Variants in PLXNA4 observed in about 807,000 individuals in gnomAD.
The protein encoded by PLXNA4 is plexin A4.
Under a neutral mutation model 191.8 loss-of-function variants are expected in PLXNA4, and 44 were observed. The ratio of observed to expected loss-of-function variants is 0.23; its 90% CI spans 0.18 to 0.29. The LOEUF (loss-of-function observed/expected upper bound fraction) is 0.29. Ranked by LOEUF, PLXNA4 falls within the 10% of genes least tolerant of loss-of-function variation. PLXNA4 has a pLI of 1.00. For missense variants in PLXNA4, 1,800 were observed against 2,488.8 expected (o/e 0.72, Z 5.89); for synonymous variants, 1,082 against 1,009.5 (o/e 1.07, Z -1.36).
chr7:132,135,955 G>A (rs1209660284), intron 30 of PLXNA4, among the ~76,000 whole-genome samples: 1 of 152,126 alleles, frequency 6.6e-6, no homozygotes, highest in Non-Finnish European at 1.5e-5. Context: ...TTCTAAATCA[G>A]CTGAGCTGAA....
chr7:132,444,569 G>T lies in PLXNA4; in HGVS notation c.1371+44723C>A, dbSNP rs187789062. Reference sequence around the variant, plus strand: ...TTATTGACAAAGAGGACCCAGTTCTGTCCTTTGAGTATCTTGAATGGCAGG... The same window carrying T: ...TTATTGACAAAGAGGACCCAGTTCTTTCCTTTGAGTATCTTGAATGGCAGG... On this transcript the variant is annotated intron_variant, in intron 3 of 31. Coordinates refer to ENST00000321063, the MANE Select transcript of PLXNA4 (RefSeq NM_020911.2). 4.1e-3 allele frequency among the ~76,000 whole-genome samples: 618 copies of T among 152,340 alleles called. 6 individuals are homozygous for T. The highest frequency in any genetic ancestry group is 5.0e-3 in the Non-Finnish European group (340 of 68,034).
intron 4 of PLXNA4, among the ~76,000 whole-genome samples, chr7:132,254,747 T>G (rs1297649795): frequency 1.3e-5 from 2 of 152,184 alleles, no homozygotes; most frequent in African/African-American, 4.8e-5. Context: ...ATTAGGAAGT[T>G]CGTTTTCAAG....
chr7:132,253,515 G>T (rs1311954284), intron 4 of PLXNA4, among the ~76,000 whole-genome samples: 1 of 151,944 alleles, frequency 6.6e-6, no homozygotes, highest in African/African-American at 2.4e-5. Flanking sequence ...ACAGTGCTGG[G>T]ATTACAGTCA....
chr7:132,479,713 G>A (rs1797265922), intron 3 of PLXNA4, among the ~76,000 whole-genome samples: 1 of 152,186 alleles, frequency 6.6e-6, no homozygotes, highest in Non-Finnish European at 1.5e-5. Flanking sequence ...GCAATGGCAC[G>A]ATCTCGGCTC....
At chr7:132,196,533 T>A (rs1456543638) in intron 13 of PLXNA4, among the ~76,000 whole-genome samples, 2 of 152,226 alleles carry the variant, frequency 1.3e-5, no homozygotes, top group Non-Finnish European at 2.9e-5. Flanking sequence ...AATTCCCTAT[T>A]TTTACACATG....
chr7:132,526,639 T>C (rs952492694), intron 1 of PLXNA4, among the ~76,000 whole-genome samples: 7 of 152,206 alleles, frequency 4.6e-5, no homozygotes, highest in African/African-American at 1.7e-4. Context: ...GGGGCTGCTG[T>C]TTTATTTGGG....
At position 132,597,965 on chromosome 7, in the gene PLXNA4, A is replaced by G. The variant is rs185069640; in HGVS notation, c.-87+47963T>C. On this transcript the variant is annotated intron_variant, in intron 2 of 4. Coordinates refer to the PLXNA4 transcript ENST00000378539. ...TGTTACTGCCTGTTGATAGGCACCC[A>G]GATTGCACCTGGGTGCAATCCCGTT... Among the ~76,000 whole-genome samples, 13 of 152,148 alleles carry G rather than the reference A, an allele frequency of 8.5e-5. No individual in the cohort carries two copies. The East Asian group carries it at 2.5e-3, about 29-fold the overall frequency.
chr7:132,339,013 A>G (rs1802923443), intron 3 of PLXNA4, among the ~76,000 whole-genome samples: 2 of 152,164 alleles, frequency 1.3e-5, no homozygotes, highest in South Asian at 2.1e-4. Flanking sequence ...AAGAGGAGGA[A>G]TGGAAGCCCA....
At chr7:132,347,787 G>T (rs1452881350) in intron 3 of PLXNA4, among the ~76,000 whole-genome samples, 1 of 152,180 alleles carries the variant, frequency 6.6e-6, no homozygotes, top group Non-Finnish European at 1.5e-5. Flanking sequence ...ACTCAGTCCA[G>T]GGCTATCTTT....
intron 22 of PLXNA4, among the ~76,000 whole-genome samples, 177 bp downstream of exon 22, chr7:132,168,127 C>T (rs996509902): frequency 1.3e-5 from 2 of 152,206 alleles, no homozygotes; most frequent in East Asian, 1.9e-4. Flanking sequence ...CTCCTGAGGA[C>T]AGTGGACAGG....
rs1562909077 is a variant in PLXNA4 at position 132,189,019 on chromosome 7, AG to A, written c.2857-1413del. 2.3e-3 allele frequency among the ~76,000 whole-genome samples: 177 copies of A among 76,672 alleles called. 7 individuals carry two copies. Among genetic ancestry groups the A allele is most frequent in the African/African-American group, 7.6e-3 (169 of 22,144 alleles). The allele number at this position is 76,672 out of a possible 152,430, so 50.3% of individuals were successfully genotyped here. On this transcript the variant is annotated intron_variant, in intron 14 of 31. Transcript: ENST00000321063. The stretch of plus-strand genomic sequence containing the variant: ...GAGAGAGAGAGAGAGAGAGAGAGAG[AG>A]AGAGAGAGAAAGAGAGAGAGAGAGA...
chr7:132,529,214 G>A (rs1414835169), intron 1 of PLXNA4, among the ~76,000 whole-genome samples: 1 of 152,178 alleles, frequency 6.6e-6, no homozygotes, highest in South Asian at 2.1e-4. Flanking sequence ...GCAGGTTGGT[G>A]TCACCTTGTT....
chr7:132,574,604 G>A (rs1285623194), intron 1 of PLXNA4, among the ~76,000 whole-genome samples: 1 of 152,184 alleles, frequency 6.6e-6, no homozygotes, highest in Admixed American at 6.5e-5. Context: ...AAGCAAATAA[G>A]GTTTCTTCCC....
chr7:132,516,105 G>T (rs896036718), intron 1 of PLXNA4, among the ~76,000 whole-genome samples: 3 of 152,122 alleles, frequency 2.0e-5, no homozygotes, highest in Non-Finnish European at 4.4e-5. Flanking sequence ...AGTAAATCTT[G>T]GTGCTTCAAG....
At chr7:132,592,581 T>C (rs1269488671) in intron 2 of PLXNA4, among the ~76,000 whole-genome samples, 1 of 151,992 alleles carries the variant, frequency 6.6e-6, no homozygotes, top group Non-Finnish European at 1.5e-5. Context: ...AAATTCTCGT[T>C]TAACGATTTG....
intron 1 of PLXNA4, among the ~76,000 whole-genome samples, chr7:132,560,498 G>T (rs1264034285): frequency 6.6e-6 from 1 of 152,092 alleles, no homozygotes; most frequent in African/African-American, 2.4e-5. Flanking sequence ...TCAAGTTTCT[G>T]CCAGATCCCA....
At chr7:132,552,190 G>C (rs1006207541) in intron 1 of PLXNA4, among the ~76,000 whole-genome samples, 2 of 152,124 alleles carry the variant, frequency 1.3e-5, no homozygotes, top group African/African-American at 4.8e-5. Context: ...ACATTAATTG[G>C]GGCAGGAAAA....
intron 25 of PLXNA4, among the ~76,000 whole-genome samples, chr7:132,154,674 G>A (rs1795742497): frequency 6.6e-6 from 1 of 152,016 alleles, no homozygotes; most frequent in African/African-American, 2.4e-5. Flanking sequence ...CAGGGCTCTG[G>A]CATGGCTCCA....
rs566752505 is a variant in PLXNA4, at chr7:132,446,201, G to A, written c.1371+43091C>T. On this transcript the variant is annotated intron_variant, in intron 3 of 31. Coordinates refer to ENST00000321063, the MANE Select transcript of PLXNA4 (RefSeq NM_020911.2). ...GGTTAAACAAGAAATTGCATGTAGCGTGCTTAGACCAGAGGCTGCACTTCA... is the reference window on the plus strand; with the variant it reads ...GGTTAAACAAGAAATTGCATGTAGCATGCTTAGACCAGAGGCTGCACTTCA... Among the ~76,000 whole-genome samples the A allele has an allele frequency of 1.4e-4, 22 of 152,292 alleles. No individual in the cohort carries two copies. The South Asian group carries it at 4.1e-3, about 29-fold the overall frequency.
Sources: allele counts gnomAD v4.1 joint callset (sites outside exome capture counted in the v4.1 genomes callset), GRCh38; gene constraint gnomAD v4.1.1; transcripts MANE v1.5; gene names NCBI Gene and HGNC (gene_info 2026-07-23, HGNC 2026-07-21).